Variants in SEC14L1 observed in about 807,000 individuals in gnomAD.
SEC14L1 encodes SEC14-like protein 1.
A neutral mutation model predicts 85.3 loss-of-function variants in SEC14L1; 48 were observed. The observed-to-expected ratio is 0.56, with a 90% confidence interval of 0.45 to 0.72. SEC14L1 has a LOEUF of 0.72. SEC14L1 is among the 30% of genes least tolerant of loss of function. The pLI, the probability that SEC14L1 is intolerant of heterozygous loss-of-function variation, is 0.00. For missense variants in SEC14L1, 682 were observed against 921.4 expected (o/e 0.74, Z 3.36); for synonymous variants, 391 against 355.5 (o/e 1.10, Z -1.12).
At chr17:77,188,756 A>G (rs952960227) in intron 3 of SEC14L1, among the ~76,000 whole-genome samples, 3 of 152,188 alleles carry the variant, frequency 2.0e-5, no homozygotes, top group East Asian at 1.9e-4. Flanking sequence ...ATTCCTGCCA[A>G]TGATGTGGAA....
At chr17:77,174,624 C>T (rs758479902) in intron 3 of SEC14L1, among the ~76,000 whole-genome samples, 5 of 152,100 alleles carry the variant, frequency 3.3e-5, no homozygotes, top group East Asian at 1.9e-4. Context: ...AGGTGGGTCT[C>T]GATCCCTAAC....
intron 3 of SEC14L1, among the ~76,000 whole-genome samples, chr17:77,145,753 AGAGCCTG>A (rs920544873): frequency 6.6e-6 from 1 of 152,178 alleles, no homozygotes; most frequent in African/African-American, 2.4e-5. Context: ...GCTGAGCTCC[AGAGCCTG>A]GTAGTGGAGG....
At chr17:77,173,905 C>CTTTT (rs531473521) in intron 3 of SEC14L1, among the ~76,000 whole-genome samples, 1 of 141,912 alleles carries the variant, frequency 7.0e-6, no homozygotes, top group Non-Finnish European at 1.5e-5. Flanking sequence ...TTCTTTTTTT[C>CTTTT]TTTTTTTTTT....
intron 3 of SEC14L1, among the ~76,000 whole-genome samples, chr17:77,131,127 G>A (rs1357521222): frequency 1.3e-5 from 2 of 152,188 alleles, no homozygotes; most frequent in African/African-American, 2.4e-5. Flanking sequence ...AAGTGCATGG[G>A]CCAATGGAAA....
chr17:77,137,737 T>G (rs1186803263), upstream of SEC14L1, among the ~76,000 whole-genome samples: 1 of 152,218 alleles, frequency 6.6e-6, no homozygotes, highest in African/African-American at 2.4e-5. Context: ...TGTAAACCAA[T>G]ACGTGCTTTC....
At chr17:77,204,081 G>A (rs537041039) in intron 10 of SEC14L1, among the ~76,000 whole-genome samples, 7 of 152,206 alleles carry the variant, frequency 4.6e-5, no homozygotes, top group South Asian at 2.1e-4. Context: ...GCCAGGCCCC[G>A]CTCCACTGCT....
intron 8 of SEC14L1, among the ~76,000 whole-genome samples, chr17:77,199,989 G>A (rs1976043378): frequency 6.6e-6 from 1 of 152,086 alleles, no homozygotes; most frequent in South Asian, 2.1e-4. Context: ...GGCAACATGG[G>A]GAAACCACAT....
In SEC14L1 at chr17:77,194,808, G is replaced by A. The variant is rs759516525; in HGVS notation, c.606G>A (p.Ala202=). The A allele has an allele frequency of 8.7e-6, 14 of 1,614,038 alleles. No individual in the cohort carries two copies. The highest frequency in any genetic ancestry group is 3.3e-5 in the South Asian group (3 of 91,092). Residue 202 remains alanine, a synonymous_variant, in exon 7 of 17, where the codon GCG becomes GCA. Coordinates refer to ENST00000436233, the MANE Select transcript of SEC14L1 (RefSeq NM_001143998.2). ...CATCATCCTCCAAGAAACAAGCAGC[G>A]TCCATGGCCGTCGTCATCCCAGAAG... The part of the protein sequence containing the change: ...TSSSSSKKQA[A]SMAVVIPEAA...
Position 77,191,209 on chromosome 17 carries a change from T to G in SEC14L1, c.242T>G (p.Val81Gly). The G allele has an allele frequency of 6.2e-7, 1 of 1,613,656 alleles. No individual in the cohort carries two copies. The highest frequency in any genetic ancestry group is 8.5e-7 in the Non-Finnish European group (1 of 1,179,580). ...GCAGGAGTTGATTATGTTTATTTTG[T>G]CCAGAAAAACTCACTGAATTCTCGG... ...KIAGVDYVYFVQKNSLNSRER... is the reference protein window; with the variant it reads ...KIAGVDYVYFGQKNSLNSRER... Residue 81 changes from valine (V) to glycine (G), a missense_variant, in exon 5 of 17, where the codon GTC becomes GGC. Val to Gly is a moderately radical substitution (Grantham distance 109, BLOSUM62 -3). Transcript: ENST00000436233.
intron 14 of SEC14L1, 61 bp downstream of exon 14, chr17:77,209,537 G>T (rs1208251444): frequency 2.6e-6 from 4 of 1,563,536 alleles, no homozygotes; most frequent in South Asian, 2.3e-5. Flanking sequence ...CCTGGCCCTC[G>T]CAGGGCTTCC....
chr17:77,172,669 G>A (rs1335005010), intron 3 of SEC14L1, among the ~76,000 whole-genome samples: 1 of 152,092 alleles, frequency 6.6e-6, no homozygotes, highest in East Asian at 1.9e-4. Context: ...TAACAAAATG[G>A]AGCTTTAACA....
At chr17:77,158,161 T>A (rs1337327157) in intron 3 of SEC14L1, among the ~76,000 whole-genome samples, 1 of 152,246 alleles carries the variant, frequency 6.6e-6, no homozygotes, top group Non-Finnish European at 1.5e-5. Context: ...GTGCTGGGAT[T>A]ACAGGCGTGA....
At chr17:77,124,444 G>T (rs1046963996) in intron 3 of SEC14L1, among the ~76,000 whole-genome samples, 27 of 152,178 alleles carry the variant, frequency 1.8e-4, no homozygotes, top group Admixed American at 1.3e-3. Context: ...AACCAAACAG[G>T]TCCCACAAGC....
At chr17:77,191,144 A>G (rs202172777) in intron 4 of SEC14L1, 37 bp from the exon 5 acceptor site, 227 of 1,597,984 alleles carry the variant, frequency 1.4e-4, no homozygotes, top group South Asian at 5.5e-4. Flanking sequence ...ATTGGTTGTT[A>G]TTAATAAACC....
intron 3 of SEC14L1, among the ~76,000 whole-genome samples, chr17:77,168,500 G>A (rs1345433700): frequency 6.6e-6 from 1 of 152,202 alleles, no homozygotes; most frequent in Non-Finnish European, 1.5e-5. Flanking sequence ...TGCAAGAGAG[G>A]TTAATATTGA....
At chr17:77,146,688 G>T (rs1973325522) in intron 3 of SEC14L1, among the ~76,000 whole-genome samples, 1 of 146,142 alleles carries the variant, frequency 6.8e-6, no homozygotes, top group Non-Finnish European at 1.5e-5. Context: ...ATTTTCTTTT[G>T]AATTGTTAGA....
At chr17:77,149,236 AT>A (rs777115353) in intron 3 of SEC14L1, among the ~76,000 whole-genome samples, 1 of 152,096 alleles carries the variant, frequency 6.6e-6, no homozygotes, top group Non-Finnish European at 1.5e-5. Context: ...CTCTCATACT[AT>A]TTTGTGTGTC....
In SEC14L1 at chr17:77,209,446, T is replaced by A; in HGVS notation, c.1581T>A (p.Ser527=). The A allele has an allele frequency of 6.2e-7, 1 of 1,614,208 alleles. No individual in the cohort carries two copies. Among genetic ancestry groups the A allele is most frequent in the Non-Finnish European group, 8.5e-7 (1 of 1,180,036 alleles). Residue 527 remains serine, a synonymous_variant, in exon 14 of 17, where the codon TCT becomes TCA. Coordinates refer to ENST00000436233, the MANE Select transcript of SEC14L1 (RefSeq NM_001143998.2). ...TCTGGACTGAGACCATCTACCAGTC[T>A]GCAAGCGTCTTCAAAGGAGCCCCAC... ...LKLWTETIYQ[S]ASVFKGAPHE...
chr17:77,184,536 A>T (rs1006901080), intron 3 of SEC14L1, among the ~76,000 whole-genome samples: 1 of 152,060 alleles, frequency 6.6e-6, no homozygotes, highest in African/African-American at 2.4e-5. Context: ...TGTTCAAATT[A>T]TCCCAGACTT....
Sources: gnomAD v4.1 joint callset for allele counts (sites outside exome capture counted in the v4.1 genomes callset) on GRCh38, gnomAD v4.1.1 for gene constraint, MANE v1.5 for transcripts, NCBI Gene and HGNC (gene_info 2026-07-23, HGNC 2026-07-21) for gene names.